SUSD6: variants seen among roughly 807,000 people sequenced by gnomAD.
SUSD6 encodes the protein sushi domain containing 6, also known as sushi domain-containing protein 6.
A neutral mutation model predicts 28.4 loss-of-function variants in SUSD6; 16 were observed. The observed-to-expected ratio is 0.56, with a 90% confidence interval of 0.38 to 0.86. The LOEUF (loss-of-function observed/expected upper bound fraction) is 0.86, where lower values mean the gene tolerates loss of function less well. Among genes scored for constraint, SUSD6 ranks in the 40% least tolerant of loss-of-function variants. The pLI, the probability that SUSD6 is intolerant of heterozygous loss-of-function variation, is 0.00. For synonymous variants in SUSD6, 147 were observed against 159.6 expected (o/e 0.92, Z 0.59); for missense variants, 341 against 384.2 (o/e 0.89, Z 0.94).
intron 1 of SUSD6, among the ~76,000 whole-genome samples, chr14:69,635,524 T>G (rs1281461653): frequency 3.3e-5 from 5 of 151,980 alleles, no homozygotes; most frequent in African/African-American, 7.3e-5. Context: ...GGAGGACATA[T>G]TCTAAAGAGT....
At chr14:69,626,716 G>T (rs1277789287) in intron 1 of SUSD6, among the ~76,000 whole-genome samples, 4 of 151,774 alleles carry the variant, frequency 2.6e-5, no homozygotes, top group African/African-American at 4.8e-5. Flanking sequence ...GTCTTGTTCT[G>T]TTGCCCAAAT....
chr14:69,708,983 A>C lies in SUSD6; in HGVS notation c.765A>C (p.Ala255=), dbSNP rs1361011992. The C allele has an allele frequency of 6.2e-7, 1 of 1,614,186 alleles. No homozygotes were observed. Among genetic ancestry groups the C allele is most frequent in the African/African-American group, 1.3e-5 (1 of 75,062 alleles). Residue 255 remains alanine, a synonymous_variant, in exon 5 of 6, where the codon GCA becomes GCC. Transcript: ENST00000342745. The stretch of plus-strand genomic sequence containing the variant: ...CAGAGACTGTGATGGTGCATCAGGC[A>C]ACCACCTCTTCCTGGGTGGCCGGCT... The part of the protein sequence containing the change: ...RASETVMVHQ[A]TTSSWVAGSG...
At chr14:69,652,430 G>A (rs1885518072) in intron 1 of SUSD6, among the ~76,000 whole-genome samples, 1 of 152,034 alleles carries the variant, frequency 6.6e-6, no homozygotes, top group South Asian at 2.1e-4. Flanking sequence ...TCCAGCCTGG[G>A]CAACAGAGTG....
intron 1 of SUSD6, among the ~76,000 whole-genome samples, chr14:69,633,938 G>A (rs1325455466): frequency 2.0e-5 from 3 of 152,234 alleles, no homozygotes; most frequent in Non-Finnish European, 4.4e-5. Flanking sequence ...ATTTTGGGTG[G>A]CCTGGAGCAC....
At chr14:69,704,887 A>T (rs79592875) in intron 4 of SUSD6, 145 bp downstream of exon 4, 2 of 771,652 alleles carry the variant, frequency 2.6e-6, no homozygotes, top group East Asian at 5.1e-5. Context: ...CCATGTGTCA[A>T]ACTCCTAGAT....
chr14:69,667,660 G>C (rs915677855), intron 2 of SUSD6, among the ~76,000 whole-genome samples: 1 of 152,036 alleles, frequency 6.6e-6, no homozygotes, highest in African/African-American at 2.4e-5. Flanking sequence ...TGGGACTACA[G>C]GTGTGAGCCA....
chr14:69,639,301 G>A lies in SUSD6; in HGVS notation c.-80-19212G>A, dbSNP rs183398563. ...CGGGATCCAGCCTGGGCAACACAGC[G>A]AGACTCCGTCTCAAAAAAAAAAAAA... On this transcript the variant is annotated intron_variant, in intron 1 of 5. Transcript: ENST00000342745. 6.4e-4 allele frequency among the ~76,000 whole-genome samples: 69 copies of A among 108,434 alleles called. 1 individual carries two copies. In the East Asian group the frequency reaches 0.02, roughly 31 times the overall value. The allele number at this position is 108,434 out of a possible 152,430, so 71.1% of individuals were successfully genotyped here.
In SUSD6 at chr14:69,705,041, C is replaced by T. The variant is rs184039728; in HGVS notation, c.458+299C>T. 9.9e-5 allele frequency among the ~76,000 whole-genome samples: 15 copies of T among 152,222 alleles called. No individual in the cohort carries two copies. In the East Asian group the frequency reaches 2.9e-3, roughly 29 times the overall value. On this transcript the variant is annotated intron_variant, in intron 4 of 5. Transcript: ENST00000342745. ...AACAGAGCTCAGAACTGAGGCTGCG[C>T]GCGGTGGCTCATGCCTGTAATCTCA...
intron 2 of SUSD6, among the ~76,000 whole-genome samples, chr14:69,702,265 G>A (rs1264104746): frequency 1.3e-5 from 2 of 152,138 alleles, no homozygotes; most frequent in Non-Finnish European, 2.9e-5. Context: ...TGGTTGCCTG[G>A]CCATTCTACC....
chr14:69,656,168 C>G (rs1253426944), intron 1 of SUSD6, among the ~76,000 whole-genome samples: 1 of 151,430 alleles, frequency 6.6e-6, no homozygotes, highest in Non-Finnish European at 1.5e-5. Context: ...TCTTCCCTCC[C>G]TCCCTATTCC....
chr14:69,664,832 A>G lies in SUSD6; in HGVS notation c.121+6119A>G, dbSNP rs551767626. Among the ~76,000 whole-genome samples the G allele has an allele frequency of 1.4e-4, 21 of 152,322 alleles. No individual in the cohort carries two copies. In the South Asian group the frequency reaches 4.4e-3, roughly 32 times the overall value. On this transcript the variant is annotated intron_variant, in intron 2 of 5. Transcript: ENST00000342745. The stretch of plus-strand genomic sequence containing the variant: ...TTCTTACCTACCCGACTTTCTGCAA[A>G]AGAGAGGCACAGGATGCTAATAAAA...
At chr14:69,661,723 G>A (rs1885664408) in intron 2 of SUSD6, among the ~76,000 whole-genome samples, 1 of 152,170 alleles carries the variant, frequency 6.6e-6, no homozygotes, top group African/African-American at 2.4e-5. Flanking sequence ...CCAGAAACCA[G>A]GATCTCAGAT....
At chr14:69,690,893 AG>A (rs1886143468) in intron 2 of SUSD6, among the ~76,000 whole-genome samples, 1 of 152,172 alleles carries the variant, frequency 6.6e-6, no homozygotes, top group South Asian at 2.1e-4. Flanking sequence ...GGCTTCGTCC[AG>A]CCTTCTCCCC....
At position 69,614,046 on chromosome 14, in the gene SUSD6, G is replaced by A. The variant is rs563219215; in HGVS notation, c.-81+2218G>A. On this transcript the variant is annotated intron_variant, in intron 1 of 5. Transcript: ENST00000342745. ...TTTCCTGGTCAGTCTCTGAGGTGTGGTGATTGAACTTGTGTTCTTTTTTAT... is the reference window on the plus strand; with the variant it reads ...TTTCCTGGTCAGTCTCTGAGGTGTGATGATTGAACTTGTGTTCTTTTTTAT... Among the ~76,000 whole-genome samples the A allele has an allele frequency of 6.6e-5, 10 of 152,310 alleles. No individual in the cohort carries two copies. The South Asian group carries it at 1.9e-3, about 28-fold the overall frequency.
At chr14:69,623,594 A>T (rs1054109777) in intron 1 of SUSD6, among the ~76,000 whole-genome samples, 1 of 152,234 alleles carries the variant, frequency 6.6e-6, no homozygotes, top group African/African-American at 2.4e-5. Context: ...GTTAACTGTA[A>T]AACAGCCTCA....
At chr14:69,612,136 CG>C (rs1415844268) in intron 1 of SUSD6, among the ~76,000 whole-genome samples, 1 of 151,916 alleles carries the variant, frequency 6.6e-6, no homozygotes, top group African/African-American at 2.4e-5. Context: ...CGGGGCGCGC[CG>C]TCCCGCGTCG....
At chr14:69,613,334 C>T (rs530300123) in intron 1 of SUSD6, among the ~76,000 whole-genome samples, 1 of 152,276 alleles carries the variant, frequency 6.6e-6, no homozygotes, top group South Asian at 2.1e-4. Flanking sequence ...GTCTGAACTA[C>T]TAGATTATAC....
At chr14:69,709,128 AATT>A (rs1886427723) in intron 5 of SUSD6, 24 bp downstream of exon 5, 1 of 1,531,468 alleles carries the variant, frequency 6.5e-7, no homozygotes, top group East Asian at 2.3e-5. Flanking sequence ...GCTGAACATG[AATT>A]ATTAGCTGCT....
chr14:69,635,234 A>G (rs1244588835), intron 1 of SUSD6, among the ~76,000 whole-genome samples: 1 of 152,226 alleles, frequency 6.6e-6, no homozygotes, highest in African/African-American at 2.4e-5. Flanking sequence ...TGGAGTGTAA[A>G]GAAATCATCT....
Sources: gnomAD v4.1 joint callset for allele counts (sites outside exome capture counted in the v4.1 genomes callset) on GRCh38, gnomAD v4.1.1 for gene constraint, MANE v1.5 for transcripts, NCBI Gene and HGNC (gene_info 2026-07-23, HGNC 2026-07-21) for gene names.